The following ADAM8 variants were observed in gnomAD, a reference collection of about 807,000 sequenced individuals.
ADAM8 encodes the protein disintegrin and metalloproteinase domain-containing protein 8.
Under a neutral mutation model 102.4 loss-of-function variants are expected in ADAM8, and 104 were observed. The ratio of observed to expected loss-of-function variants is 1.02; its 90% CI spans 0.87 to 1.20. The LOEUF (loss-of-function observed/expected upper bound fraction) is 1.20, where lower values mean the gene tolerates loss of function less well. Ranked by LOEUF, ADAM8 falls within the 50% of genes most tolerant of loss-of-function variation. The probability of loss-of-function intolerance (pLI) is 0.00; values close to 1 mark genes in which losing one functional copy is unlikely to be tolerated. For synonymous variants in ADAM8, 517 were observed against 485.2 expected (o/e 1.07, Z -0.86); for missense variants, 1,132 against 1,159.0 (o/e 0.98, Z 0.34).
chr10:133,265,312 T>C (rs1043554267), intron 21 of ADAM8, among the ~76,000 whole-genome samples: 2 of 149,148 alleles, frequency 1.3e-5, no homozygotes, highest in Admixed American at 1.3e-4. Context: ...GCCCGGCTCC[T>C]GCTGCAGCCT....
Position 133,271,704 on chromosome 10 carries a change from A to T in ADAM8, c.1108T>A (p.Ser370Thr). The T allele has an allele frequency of 5.7e-6, 9 of 1,582,988 alleles. No homozygotes were observed. Among genetic ancestry groups the T allele is most frequent in the Non-Finnish European group, 6.9e-6 (8 of 1,164,030 alleles). ...GRCIMAGSIG[S>T]SFPRMFSDCS... Reference sequence around the variant, plus strand: ...TCACTGAACATCCTGGGGAAACTGGAGCTGGGGAGGCGGGGCAGCATTGGG... The same window carrying T: ...TCACTGAACATCCTGGGGAAACTGGTGCTGGGGAGGCGGGGCAGCATTGGG... The change falls in exon 12 of 23, where the codon TCC (serine) becomes ACC (threonine). Residue 370 changes from serine to threonine, a missense_variant and splice_region_variant. By Grantham distance (58) the Ser-to-Thr change is moderately conservative (BLOSUM62 1). Transcript: ENST00000445355.
In ADAM8 at chr10:133,273,462, G is replaced by C. The variant is rs529460519; in HGVS notation, c.384-19C>G. 2.6e-6 allele frequency: 4 copies of C among 1,523,616 alleles called. No homozygotes were observed. The highest frequency in any genetic ancestry group is 3.5e-6 in the Non-Finnish European group (4 of 1,129,254). The allele number at this position is 1,523,616 out of a possible 1,614,324, so 94.4% of individuals were successfully genotyped here. On this transcript the variant is annotated intron_variant, in intron 5 of 22. Coordinates refer to ENST00000445355, the MANE Select transcript of ADAM8 (RefSeq NM_001109.5). ...GAAACCCCTGAGGGGAGTGGGAGCC[G>C]GGTGTGCTGTGGGCTTCAGAGTGGC... is the stretch of plus-strand genomic sequence containing the variant.
In ADAM8 at chr10:133,273,967, T is replaced by TC; in HGVS notation, c.289dup (p.Glu97GlyfsTer49). The TC allele has an allele frequency of 6.2e-7, 1 of 1,603,848 alleles. No individual in the cohort carries two copies. The highest frequency in any genetic ancestry group is 8.5e-7 in the Non-Finnish European group (1 of 1,177,504). On this transcript the variant is annotated frameshift_variant, in exon 4 of 23. Transcript: ENST00000445355. LOFTEE classifies it high-confidence loss of function. Reference sequence around the variant, plus strand: ...GACCCATACCTGCCCGCGAGGCTGCTCCGTCACCTCGGAGCCATTGGCAGC... The same window carrying TC: ...GACCCATACCTGCCCGCGAGGCTGCTCCCGTCACCTCGGAGCCATTGGCAGC...
At chr10:133,269,252 G>A in intron 18 of ADAM8, 193 bp downstream of exon 18, 1 of 925,166 alleles carries the variant, frequency 1.1e-6, no homozygotes, top group Non-Finnish European at 1.3e-6. Context: ...CTCCCTCTGG[G>A]ACAGGGCTCT....
rs567552156 is a variant in ADAM8, at chr10:133,274,169, G to T, written c.217C>A (p.Arg73=). The part of the protein sequence containing the change: ...ATGHNFTLHL[R]KNRDLLGSGY... ...CCGAGACCCACTCACCTGTTCTTCC[G>T]CAGGTGGAGGGTGAAGTTGTGCCCT... Residue 73 remains arginine, a synonymous_variant, in exon 3 of 23, where the codon CGG becomes AGG. Coordinates refer to ENST00000445355, the MANE Select transcript of ADAM8 (RefSeq NM_001109.5). 6.3e-7 allele frequency: 1 copy of T among 1,587,706 alleles called. No individual in the cohort carries two copies. The highest frequency in any genetic ancestry group is 8.6e-7 in the Non-Finnish European group (1 of 1,166,288).
chr10:133,270,692 G>A, intron 15 of ADAM8, 44 bp downstream of exon 15: 1 of 1,583,756 alleles, frequency 6.3e-7, no homozygotes, highest in East Asian at 2.3e-5. Context: ...TGACCCCGCT[G>A]TGGGAACAGC....
intron 20 of ADAM8, 81 bp downstream of exon 20, chr10:133,267,848 G>T: frequency 8.3e-7 from 1 of 1,200,480 alleles, no homozygotes; most frequent in Non-Finnish European, 1.1e-6. Flanking sequence ...GGCTCTGCTG[G>T]CCTCGGGCTG....
intron 11 of ADAM8, 35 bp downstream of exon 11, chr10:133,271,771 G>A: frequency 6.4e-7 from 1 of 1,560,374 alleles, no homozygotes; most frequent in Non-Finnish European, 8.7e-7. Context: ...CGTACCTCCA[G>A]CATACCCTGG....
At chr10:133,265,064 C>T (rs1211236882) in intron 21 of ADAM8, among the ~76,000 whole-genome samples, 1 of 145,160 alleles carries the variant, frequency 6.9e-6, no homozygotes, top group Non-Finnish European at 1.5e-5. Flanking sequence ...TACCTCCACG[C>T]CCAGCTCCTG....
At chr10:133,274,128 G>A (rs757449043) in intron 3 of ADAM8, 31 bp downstream of exon 3, 18 of 1,582,052 alleles carry the variant, frequency 1.1e-5, no homozygotes, top group African/African-American at 1.1e-4. Context: ...AGCCAGGCCC[G>A]GGCAGGGGGG....
intron 21 of ADAM8, among the ~76,000 whole-genome samples, chr10:133,265,177 T>G (rs1274394252): frequency 1.5e-5 from 2 of 131,230 alleles, no homozygotes; most frequent in African/African-American, 3.0e-5. Flanking sequence ...CCCATCTACC[T>G]CCACGCCCAG....
Position 133,270,720 on chromosome 10 carries a change from G to T in ADAM8, c.1634+16C>A. On this transcript the variant is annotated intron_variant, in intron 15 of 22. Coordinates refer to ENST00000445355, the MANE Select transcript of ADAM8 (RefSeq NM_001109.5). ...GGAACAGCACATGTCCTGGGCCCAG[G>T]GCGGTCTCAGCTCACCTGTACCGGC... The T allele has an allele frequency of 6.7e-7, 1 of 1,489,932 alleles. No individual in the cohort carries two copies. Among genetic ancestry groups the T allele is most frequent in the East Asian group, 2.5e-5 (1 of 39,754 alleles). The allele number at this position is 1,489,932 out of a possible 1,614,324, so 92.3% of individuals were successfully genotyped here. A position where few individuals can be genotyped will look rare whatever the true frequency, so the allele number is the denominator to read the frequency against.
At position 133,270,228 on chromosome 10, in the gene ADAM8, A is replaced by T. The variant is rs537335649; in HGVS notation, c.1785+132T>A. On this transcript the variant is annotated intron_variant, in intron 16 of 22. Coordinates refer to ENST00000445355, the MANE Select transcript of ADAM8 (RefSeq NM_001109.5). Reference sequence around the variant, plus strand: ...CACCCCCGGAAACCTTTCAGTCTCTACTAGAAGCGCGGAGAGAACTCTGTT... The same window carrying T: ...CACCCCCGGAAACCTTTCAGTCTCTTCTAGAAGCGCGGAGAGAACTCTGTT... The T allele has an allele frequency of 4.7e-4, 590 of 1,264,770 alleles. 2 individuals are homozygous for T. The highest frequency in any genetic ancestry group is 8.4e-4 in the Admixed American group (34 of 40,368). 78.3% of individuals were successfully genotyped at this position (1,264,770 alleles called of 1,614,324 possible). A position where few individuals can be genotyped will look rare whatever the true frequency, so the allele number is the denominator to read the frequency against.
chr10:133,276,695 G>T (rs1846769103), intron 1 of ADAM8, 77 bp downstream of exon 1: 1 of 1,504,272 alleles, frequency 6.6e-7, no homozygotes, highest in Non-Finnish European at 8.8e-7. Context: ...CCAGGGGCTC[G>T]GGGTCCGCGT....
At position 133,273,199 on chromosome 10, in the gene ADAM8, C is replaced by T. The variant is rs570221573; in HGVS notation, c.573+55G>A. 103 of 1,587,700 alleles carry T rather than the reference C, an allele frequency of 6.5e-5. No homozygotes were observed. In the African/African-American group the frequency reaches 1.2e-3, roughly 18 times the overall value. ...ATGGGGAGCCAGGAGGACTCACAGG[C>T]CAGGCAAGTGGACACCGGCAGGGCC... On this transcript the variant is annotated intron_variant, in intron 6 of 22. Transcript: ENST00000445355.
intron 22 of ADAM8, 112 bp downstream of exon 22, chr10:133,263,576 A>C: frequency 1.1e-6 from 1 of 942,710 alleles, no homozygotes. Context: ...GTTTATCCAC[A>C]GATAATCAGA....
chr10:133,271,530 CG>C lies in ADAM8; in HGVS notation c.1281del (p.Glu428ArgfsTer32), dbSNP rs753471255. ...GCAGGTATGGGGCATGGACGCACCT[CG>C]GGGGGGCCGCAGTCGCACTGCTCCC... Reference protein sequence around the residue: ...ERGEQCDCGPPEDCRNRCCNS... With the variant: ...ERGEQCDCGPXEDCRNRCCNS... On this transcript the variant is annotated frameshift_variant, in exon 12 of 23. Coordinates refer to ENST00000445355, the MANE Select transcript of ADAM8 (RefSeq NM_001109.5). LOFTEE classifies it high-confidence loss of function. 5 of 1,553,178 alleles carry C rather than the reference CG, an allele frequency of 3.2e-6. No individual in the cohort carries two copies. The highest frequency in any genetic ancestry group is 4.4e-6 in the Non-Finnish European group (5 of 1,148,380).
Position 133,271,616 on chromosome 10 carries a change from G to GC in ADAM8, c.1195dup (p.Ala399GlyfsTer3), listed in dbSNP as rs1277300658. Reference sequence around the variant, plus strand: ...GCCCACCAGGTGGCTGAGGTCAGGGGCGTTGGCGAGGCACACCGACTGCGG... The same window carrying GC: ...GCCCACCAGGTGGCTGAGGTCAGGGGCCGTTGGCGAGGCACACCGACTGCGG... On this transcript the variant is annotated frameshift_variant, in exon 12 of 23. Transcript: ENST00000445355. LOFTEE classifies it high-confidence loss of function. 5 of 1,555,970 alleles carry GC rather than the reference G, an allele frequency of 3.2e-6. No individual in the cohort carries two copies. Among genetic ancestry groups the GC allele is most frequent in the Non-Finnish European group, 4.3e-6 (5 of 1,149,982 alleles).
At chr10:133,271,111 C>T (rs896757946) in intron 13 of ADAM8, 41 bp from the exon 14 acceptor site, 4 of 1,595,796 alleles carry the variant, frequency 2.5e-6, no homozygotes, top group African/African-American at 2.7e-5. Flanking sequence ...GACAGGTCCA[C>T]GCAAGCTGCC....
Sources: allele counts gnomAD v4.1 joint callset (sites outside exome capture counted in the v4.1 genomes callset), GRCh38; gene constraint gnomAD v4.1.1; transcripts MANE v1.5; gene names NCBI Gene and HGNC (gene_info 2026-07-23, HGNC 2026-07-21).